Variants in TNFRSF21 observed in about 807,000 individuals in gnomAD.
The protein encoded by TNFRSF21 is TNF receptor superfamily member 21.
Under a neutral mutation model 45.6 loss-of-function variants are expected in TNFRSF21, and 19 were observed. The observed-to-expected ratio is 0.42, with a 90% CI of 0.29 to 0.61. The LOEUF (loss-of-function observed/expected upper bound fraction) is 0.61. TNFRSF21 is among the 20% of genes least tolerant of loss of function. TNFRSF21 has a pLI of 0.23. For missense variants in TNFRSF21, 737 were observed against 851.5 expected (o/e 0.87, Z 1.67); for synonymous variants, 314 against 335.5 (o/e 0.94, Z 0.70).
intron 3 of TNFRSF21, among the ~76,000 whole-genome samples, chr6:47,275,726 T>A (rs946381640): frequency 6.6e-6 from 1 of 152,160 alleles, no homozygotes; most frequent in South Asian, 2.1e-4. Context: ...TCTCTTGGTT[T>A]TCCCCCAACC....
Position 47,232,514 on chromosome 6 carries a change from C to T in TNFRSF21, c.*251G>A. The T allele has an allele frequency of 6.7e-6, 3 of 448,064 alleles. No homozygotes were observed. The highest frequency in any genetic ancestry group is 1.2e-5 in the Non-Finnish European group (3 of 254,912). 27.8% of individuals were successfully genotyped at this position (448,064 alleles called of 1,614,324 possible). A position where few individuals can be genotyped will look rare whatever the true frequency, so the allele number is the denominator to read the frequency against. On this transcript the variant is annotated 3_prime_UTR_variant, in exon 6 of 6. Transcript: ENST00000296861. ...AACTTTAGTGGTGGGTATTTCACAACAGTTACACCTGGCAAAGGCTTATAA... is the reference window on the plus strand; with the variant it reads ...AACTTTAGTGGTGGGTATTTCACAATAGTTACACCTGGCAAAGGCTTATAA...
chr6:47,265,663 A>T (rs1161705940), intron 3 of TNFRSF21, among the ~76,000 whole-genome samples: 3 of 152,230 alleles, frequency 2.0e-5, no homozygotes, highest in African/African-American at 7.2e-5. Flanking sequence ...TTAGAACAGG[A>T]CATGGCACTC....
chr6:47,233,093 TC>T (rs375274022), intron 5 of TNFRSF21, 99 bp from the exon 6 acceptor site: 31 of 1,027,558 alleles, frequency 3.0e-5, no homozygotes, highest in East Asian at 5.0e-5. Context: ...GACATCTATG[TC>T]CCCCCCAGCC....
Position 47,258,397 on chromosome 6 carries a change from GGT to G in TNFRSF21, c.1244-4878_1244-4877del, listed in dbSNP as rs776140970. On this transcript the variant is annotated intron_variant, in intron 3 of 5. Transcript: ENST00000296861. ...AAAAGAAAAAAATAAAAGTAATTGT[GGT>G]TTTTTTTTTTTTTTTGGTCACCAAA... Among the ~76,000 whole-genome samples the G allele has an allele frequency of 1.1e-3, 140 of 124,540 alleles. 2 individuals carry two copies. Among genetic ancestry groups the G allele is most frequent in the East Asian group, 3.5e-3 (16 of 4,568 alleles). The allele number at this position is 124,540 out of a possible 152,430, so 81.7% of individuals were successfully genotyped here. A position where few individuals can be genotyped will look rare whatever the true frequency, so the allele number is the denominator to read the frequency against.
intron 4 of TNFRSF21, among the ~76,000 whole-genome samples, chr6:47,236,559 CAT>C (rs1376013066): frequency 3.3e-5 from 5 of 152,226 alleles, no homozygotes; most frequent in Non-Finnish European, 7.3e-5. Context: ...GATTACTGCA[CAT>C]GTCTAATGTT....
At chr6:47,277,899 T>TA (rs1361937741) in intron 3 of TNFRSF21, among the ~76,000 whole-genome samples, 5 of 152,134 alleles carry the variant, frequency 3.3e-5, no homozygotes, top group African/African-American at 1.2e-4. Flanking sequence ...ACATTACTCC[T>TA]ACAAGCATCT....
intron 3 of TNFRSF21, among the ~76,000 whole-genome samples, chr6:47,254,235 G>A (rs1764947992): frequency 6.6e-6 from 1 of 152,182 alleles, no homozygotes; most frequent in African/African-American, 2.4e-5. Flanking sequence ...AGGCAGGTGA[G>A]GTCTCCAGCA....
intron 1 of TNFRSF21, among the ~76,000 whole-genome samples, chr6:47,296,620 T>C (rs1223117869): frequency 6.6e-6 from 1 of 152,174 alleles, no homozygotes; most frequent in Admixed American, 6.5e-5. Flanking sequence ...TGATCACCAA[T>C]GGCCAGTGAT....
At chr6:47,259,027 T>C (rs1765030956) in intron 3 of TNFRSF21, among the ~76,000 whole-genome samples, 2 of 152,214 alleles carry the variant, frequency 1.3e-5, no homozygotes, top group Admixed American at 6.5e-5. Context: ...TAAAGAGACC[T>C]TGGGTAGGAC....
At chr6:47,255,631 T>G (rs1046436246) in intron 3 of TNFRSF21, among the ~76,000 whole-genome samples, 4 of 152,052 alleles carry the variant, frequency 2.6e-5, no homozygotes, top group African/African-American at 9.7e-5. Context: ...CCAGCTAATT[T>G]TTGTATTTTT....
chr6:47,261,614 G>A (rs1273823837), intron 3 of TNFRSF21, among the ~76,000 whole-genome samples: 2 of 152,182 alleles, frequency 1.3e-5, no homozygotes, highest in Non-Finnish European at 2.9e-5. Flanking sequence ...GGTGAAACCT[G>A]GGCTCCCAGG....
chr6:47,266,636 C>T (rs1235368581), intron 3 of TNFRSF21, among the ~76,000 whole-genome samples: 2 of 152,072 alleles, frequency 1.3e-5, no homozygotes, highest in African/African-American at 4.8e-5. Flanking sequence ...ATAAGAGGTT[C>T]GACCACCAAG....
chr6:47,266,925 T>G (rs747532487), intron 3 of TNFRSF21, among the ~76,000 whole-genome samples: 57 of 152,174 alleles, frequency 3.7e-4, no homozygotes, highest in Non-Finnish European at 5.7e-4. Flanking sequence ...GCTTTTTCAC[T>G]TGTACACAGA....
At chr6:47,309,337 C>G in intron 1 of TNFRSF21, 79 bp downstream of exon 1, 4 of 1,469,250 alleles carry the variant, frequency 2.7e-6, no homozygotes, top group African/African-American at 1.5e-5. Flanking sequence ...AGCCCCGGCC[C>G]GGTGACCCGC....
chr6:47,286,330 A>G lies in TNFRSF21; in HGVS notation c.362T>C (p.Leu121Ser). The G allele has an allele frequency of 6.2e-7, 1 of 1,614,158 alleles. No homozygotes were observed. Among genetic ancestry groups the G allele is most frequent in the Middle Eastern group, 1.7e-4 (1 of 6,060 alleles). ...QPCPWPMIEK[L>S]PCAALTDREC... Reference sequence around the variant, plus strand: ...TCGGTCAGTCAAGGCAGCACAAGGTAATTTCTCAATCATTGGCCATGGGCA... The same window carrying G: ...TCGGTCAGTCAAGGCAGCACAAGGTGATTTCTCAATCATTGGCCATGGGCA... Residue 121 changes from leucine to serine, a missense_variant, in exon 2 of 6, where the codon TTA becomes TCA. Transcript: ENST00000296861.
chr6:47,251,492 T>C (rs1316146983), intron 4 of TNFRSF21, among the ~76,000 whole-genome samples: 1 of 152,208 alleles, frequency 6.6e-6, no homozygotes, highest in African/African-American at 2.4e-5. Context: ...GACCTAATGA[T>C]TTTATTATGA....
chr6:47,308,824 G>A (rs2113873469), intron 1 of TNFRSF21, among the ~76,000 whole-genome samples: 1 of 152,376 alleles, frequency 6.6e-6, no homozygotes, highest in African/African-American at 2.4e-5. Context: ...GAGCCAAGAG[G>A]GAAGAGAGAG....
intron 1 of TNFRSF21, among the ~76,000 whole-genome samples, chr6:47,303,516 G>T (rs1406869777): frequency 6.6e-6 from 1 of 152,130 alleles, no homozygotes; most frequent in Non-Finnish European, 1.5e-5. Flanking sequence ...TCTTCTGGTG[G>T]CCTTTAGCAC....
At chr6:47,279,366 AC>A (rs1178585710) in intron 3 of TNFRSF21, among the ~76,000 whole-genome samples, 2 of 152,198 alleles carry the variant, frequency 1.3e-5, no homozygotes, top group Admixed American at 6.5e-5. Flanking sequence ...GTTCTCAGCT[AC>A]CCTGTTTTTC....
Sources: gnomAD v4.1 joint callset for allele counts (sites outside exome capture counted in the v4.1 genomes callset) on GRCh38, gnomAD v4.1.1 for gene constraint, MANE v1.5 for transcripts, NCBI Gene and HGNC (gene_info 2026-07-23, HGNC 2026-07-21) for gene names.